The following BEND5 variants were observed in gnomAD, a reference collection of about 807,000 sequenced individuals.
The protein encoded by BEND5 is BEN domain containing 5.
BEND5 carries 22 observed loss-of-function variants against 43.9 expected under a neutral mutation model. The observed-to-expected ratio is 0.50, with a 90% CI of 0.36 to 0.72. The LOEUF (loss-of-function observed/expected upper bound fraction) is 0.72. Ranked by LOEUF, BEND5 falls within the 30% of genes least tolerant of loss-of-function variation. The pLI is 0.00. For synonymous variants in BEND5, 228 were observed against 225.9 expected (o/e 1.01, Z -0.08); for missense variants, 428 against 550.6 (o/e 0.78, Z 2.23).
chr1:48,748,221 G>C (rs1031921921), intron 3 of BEND5, among the ~76,000 whole-genome samples: 19 of 152,310 alleles, frequency 1.2e-4, no homozygotes, highest in African/African-American at 4.3e-4. Context: ...CTGGGTAGGA[G>C]GATCCCCCTC....
intron 3 of BEND5, among the ~76,000 whole-genome samples, chr1:48,743,619 T>G (rs986430513): frequency 6.6e-6 from 1 of 152,108 alleles, no homozygotes; most frequent in Non-Finnish European, 1.5e-5. Flanking sequence ...ATTTCAGGAG[T>G]TGACTAAGAT....
chr1:48,754,700 G>A (rs745571293), intron 3 of BEND5, among the ~76,000 whole-genome samples: 5 of 152,106 alleles, frequency 3.3e-5, no homozygotes, highest in Non-Finnish European at 5.9e-5. Flanking sequence ...AGGAAAGTGA[G>A]GTTCCTTCCC....
chr1:48,734,853 A>G (rs6697870), intron 5 of BEND5, among the ~76,000 whole-genome samples: 64,292 of 152,058 alleles, frequency 0.42, 14,711 homozygotes, highest in Non-Finnish European at 0.53. Context: ...CTGCCCCCAG[A>G]GTCTGCTGAA....
chr1:48,750,325 C>T (rs955643227), intron 3 of BEND5, among the ~76,000 whole-genome samples: 1 of 152,164 alleles, frequency 6.6e-6, no homozygotes. Flanking sequence ...CTTCCTGCTA[C>T]CCAGCACTTC....
chr1:48,754,158 G>A (rs932878239), intron 3 of BEND5, among the ~76,000 whole-genome samples: 55 of 152,142 alleles, frequency 3.6e-4, no homozygotes, highest in African/African-American at 8.9e-4. Flanking sequence ...GGACACCGTA[G>A]CCTTGGACTT....
At chr1:48,755,336 T>C (rs1265273204) in intron 3 of BEND5, among the ~76,000 whole-genome samples, 2 of 152,190 alleles carry the variant, frequency 1.3e-5, no homozygotes, top group East Asian at 3.9e-4. Flanking sequence ...TCCAGACAGG[T>C]AGATTTCTTT....
At chr1:48,767,151 C>A (rs1352361443) in intron 1 of BEND5, among the ~76,000 whole-genome samples, 2 of 152,170 alleles carry the variant, frequency 1.3e-5, no homozygotes, top group Non-Finnish European at 2.9e-5. Flanking sequence ...TCTTTTGAAT[C>A]AGGTGGTCCT....
At chr1:48,728,230 T>C (rs1308167321) in intron 5 of BEND5, among the ~76,000 whole-genome samples, 187 bp from the exon 6 acceptor site, 1 of 152,204 alleles carries the variant, frequency 6.6e-6, no homozygotes, top group African/African-American at 2.4e-5. Flanking sequence ...ACACTGTAAA[T>C]GTACTCTTTA....
rs763751863 is a variant in BEND5, at chr1:48,742,701, G to C, written c.816C>G (p.Phe272Leu). ...LEPEPELRST[F>L]SEEANTSSYY... is the part of the protein sequence containing the mutation. ...AGGACGACGTATTTGCTTCCTCACTGAAAGTGCTCCGTAACTCCGGCTCGG... is the reference window on the plus strand; with the variant it reads ...AGGACGACGTATTTGCTTCCTCACTCAAAGTGCTCCGTAACTCCGGCTCGG... Residue 272 changes from phenylalanine (F) to leucine (L), a missense_variant, in exon 4 of 6, where the codon TTC (phenylalanine) becomes TTG (leucine). Physicochemically the swap from Phe to Leu is conservative, Grantham distance 22 (BLOSUM62 0). Coordinates refer to ENST00000371833, the MANE Select transcript of BEND5 (RefSeq NM_024603.4). The C allele has an allele frequency of 1.9e-6, 3 of 1,611,316 alleles. No homozygotes were observed. In the African/African-American group the frequency reaches 4.0e-5, roughly 22 times the overall value.
chr1:48,730,449 C>T (rs971667569), intron 5 of BEND5, among the ~76,000 whole-genome samples: 2 of 152,126 alleles, frequency 1.3e-5, no homozygotes, highest in African/African-American at 2.4e-5. Context: ...TCCCCCAGCT[C>T]GAAGTCTCTA....
intron 1 of BEND5, among the ~76,000 whole-genome samples, chr1:48,776,108 T>A (rs1645066290): frequency 6.6e-6 from 1 of 152,090 alleles, no homozygotes; most frequent in Non-Finnish European, 1.5e-5. Context: ...GACTCCCACC[T>A]AGAAGATCTG....
At chr1:48,774,575 C>T (rs1644987106) in intron 1 of BEND5, among the ~76,000 whole-genome samples, 2 of 152,214 alleles carry the variant, frequency 1.3e-5, no homozygotes, top group East Asian at 1.9e-4. Context: ...CCTACTCTGC[C>T]AGTTTCCAAA....
intron 1 of BEND5, among the ~76,000 whole-genome samples, chr1:48,776,048 A>T (rs147804744): frequency 3.2e-4 from 48 of 152,268 alleles, no homozygotes; most frequent in South Asian, 1.5e-3. Context: ...ATCCTGTCCA[A>T]TGTTGGCCCG....
chr1:48,745,764 C>T (rs1346343963), intron 3 of BEND5, among the ~76,000 whole-genome samples: 1 of 152,110 alleles, frequency 6.6e-6, no homozygotes, highest in Non-Finnish European at 1.5e-5. Flanking sequence ...GACAGAGCTC[C>T]AAATACTGGG....
intron 4 of BEND5, among the ~76,000 whole-genome samples, chr1:48,738,854 A>G (rs1019057444): frequency 6.6e-6 from 1 of 152,126 alleles, no homozygotes; most frequent in African/African-American, 2.4e-5. Flanking sequence ...TGTACATTCA[A>G]TTTATTTATT....
rs1470174449 is a variant in BEND5 at position 48,736,729 on chromosome 1, C to T, written c.895-277G>A. On this transcript the variant is annotated intron_variant, in intron 4 of 5. Transcript: ENST00000371833. This position sits in a 1 kb window ranked among gnomAD's most constrained non-coding sequence, Gnocchi z 4.0. ...ACCATTTTCCTTTCAGATGGAAACA[C>T]CGGTTCAGACAGGTGAGGTGACTTG... is the stretch of plus-strand genomic sequence containing the variant. Among the ~76,000 whole-genome samples the T allele has an allele frequency of 6.6e-6, 1 of 152,146 alleles. No homozygotes were observed. The highest frequency in any genetic ancestry group is 1.5e-5 in the Non-Finnish European group (1 of 68,040).
At position 48,736,686 on chromosome 1, in the gene BEND5, G is replaced by A. The variant is rs934785805; in HGVS notation, c.895-234C>T. On this transcript the variant is annotated intron_variant, in intron 4 of 5. Coordinates refer to ENST00000371833, the MANE Select transcript of BEND5 (RefSeq NM_024603.4). The surrounding 1 kb of genome is among the most constrained non-coding windows in gnomAD (Gnocchi z 4.0). ...ATCTTAAATCTTCATGGCAATTGTGGATAGAAGGCATTATAACACCATTTT... is the reference window on the plus strand; with the variant it reads ...ATCTTAAATCTTCATGGCAATTGTGAATAGAAGGCATTATAACACCATTTT... Among the ~76,000 whole-genome samples the A allele has an allele frequency of 3.3e-5, 5 of 152,188 alleles. No individual in the cohort carries two copies. The highest frequency in any genetic ancestry group is 6.5e-5 in the Admixed American group (1 of 15,284).
intron 1 of BEND5, among the ~76,000 whole-genome samples, chr1:48,775,235 G>C (rs1053005179): frequency 6.6e-6 from 1 of 152,128 alleles, no homozygotes; most frequent in Non-Finnish European, 1.5e-5. Flanking sequence ...GGTATGGATA[G>C]AGCCTGTCAA....
chr1:48,770,416 T>C (rs1644754336), intron 1 of BEND5, among the ~76,000 whole-genome samples: 1 of 152,170 alleles, frequency 6.6e-6, no homozygotes. Context: ...TGATTCTAAG[T>C]CCATCTGTTA....
Sources: gnomAD v4.1 joint callset for allele counts (sites outside exome capture counted in the v4.1 genomes callset) on GRCh38, gnomAD v4.1.1 for gene constraint, Gnocchi (gnomAD v3.1) non-coding constraint, MANE v1.5 for transcripts, NCBI Gene and HGNC (gene_info 2026-07-23, HGNC 2026-07-21) for gene names.